The following RPIA variants were observed in gnomAD, a reference collection of about 807,000 sequenced individuals.
RPIA encodes ribose-5-phosphate isomerase.
A neutral mutation model predicts 37.8 loss-of-function variants in RPIA; 29 were observed. The ratio of observed to expected loss-of-function variants is 0.77; its 90% CI spans 0.57 to 1.05. The LOEUF is 1.05. RPIA is among the 50% of genes least tolerant of loss of function. The probability of loss-of-function intolerance (pLI) is 0.00; values close to 1 mark genes in which losing one functional copy is unlikely to be tolerated. For synonymous variants in RPIA, 167 were observed against 157.0 expected, an observed-to-expected ratio of 1.06 and a Z score of -0.48; for missense variants, 385 against 413.6, an observed-to-expected ratio of 0.93 and a Z score of 0.60.
At chr2:88,735,027 G>T (rs966028497) in intron 5 of RPIA, among the ~76,000 whole-genome samples, 7 of 152,330 alleles carry the variant, frequency 4.6e-5, no homozygotes, top group Admixed American at 1.3e-4. Context: ...CATTAATTGG[G>T]TATTTCTTAA....
chr2:88,713,701 T>G (rs529897996), intron 3 of RPIA, among the ~76,000 whole-genome samples: 1 of 152,288 alleles, frequency 6.6e-6, no homozygotes, highest in East Asian at 1.9e-4. Context: ...TTCCCTCTGT[T>G]TTTTCTGGTT....
intron 3 of RPIA, among the ~76,000 whole-genome samples, chr2:88,721,571 A>ACACC (rs1450673599): frequency 5.2e-4 from 12 of 22,982 alleles, no homozygotes; most frequent in South Asian, 3.3e-3. Context: ...ACACACACAC[A>ACACC]CCCCCCCCCC....
chr2:88,741,465 A>G (rs953948182), intron 8 of RPIA, among the ~76,000 whole-genome samples: 1 of 151,728 alleles, frequency 6.6e-6, no homozygotes, highest in Admixed American at 6.6e-5. Context: ...TTCTTTATCC[A>G]CTCATTGGTT....
At chr2:88,708,820 G>A (rs1449054570) in intron 3 of RPIA, among the ~76,000 whole-genome samples, 5 of 148,758 alleles carry the variant, frequency 3.4e-5, no homozygotes, top group Admixed American at 6.8e-5. Context: ...GCAGTGGCAC[G>A]ATCTTGGCTC....
rs992887662 is a variant in RPIA at position 88,750,340 on chromosome 2, T to A, written c.*262T>A. The stretch of plus-strand genomic sequence containing the variant: ...ATGAAGTAGAACTTGAGTTCATGTT[T>A]TATATGAAATATTTACCAAAAAAAA... On this transcript the variant is annotated 3_prime_UTR_variant, in exon 9 of 9. Coordinates refer to ENST00000283646, the MANE Select transcript of RPIA (RefSeq NM_144563.3). The A allele has an allele frequency of 2.8e-5, 11 of 391,564 alleles. No homozygotes were observed. In the South Asian group the frequency reaches 3.0e-4, roughly 11 times the overall value. 24.3% of individuals were successfully genotyped at this position (391,564 alleles called of 1,614,324 possible). A position where few individuals can be genotyped will look rare whatever the true frequency, so the allele number is the denominator to read the frequency against.
rs1673496246 is a variant in RPIA at position 88,750,767 on chromosome 2, C to T, written c.*689C>T. On this transcript the variant is annotated 3_prime_UTR_variant, in exon 9 of 9. Transcript: ENST00000283646. ...GAAATGCTTGCCAGTACTGCCAAAGCACTGCTGTGAAATGTGAAGTACTTT... is the reference window on the plus strand; with the variant it reads ...GAAATGCTTGCCAGTACTGCCAAAGTACTGCTGTGAAATGTGAAGTACTTT... 2 of 398,786 alleles carry T rather than the reference C, an allele frequency of 5.0e-6. No individual in the cohort carries two copies. The highest frequency in any genetic ancestry group is 8.8e-6 in the Non-Finnish European group (2 of 226,090). The allele number at this position is 398,786 out of a possible 1,614,324, so 24.7% of individuals were successfully genotyped here.
intron 3 of RPIA, among the ~76,000 whole-genome samples, chr2:88,725,010 C>T (rs959506606): frequency 6.6e-6 from 1 of 152,324 alleles, no homozygotes; most frequent in African/African-American, 2.4e-5. Context: ...GCCACTGTCC[C>T]TAATCATGAG....
chr2:88,713,685 T>C (rs1191520457), intron 3 of RPIA, among the ~76,000 whole-genome samples: 1 of 152,144 alleles, frequency 6.6e-6, no homozygotes, highest in Non-Finnish European at 1.5e-5. Context: ...GTTTATTTCA[T>C]TTTTCTTCCC....
chr2:88,715,710 CT>C (rs1340562125), intron 3 of RPIA, among the ~76,000 whole-genome samples: 1 of 152,178 alleles, frequency 6.6e-6, no homozygotes. Context: ...TACTTCTTAG[CT>C]TTCTTTAGTA....
At chr2:88,696,545 ATATATTG>A (rs1672750381) in intron 1 of RPIA, among the ~76,000 whole-genome samples, 1 of 151,872 alleles carries the variant, frequency 6.6e-6, no homozygotes, top group Admixed American at 6.6e-5. Flanking sequence ...TATATACAAG[ATATATTG>A]TATATCTTGT....
At position 88,698,679 on chromosome 2, in the gene RPIA, A is replaced by T. The variant is rs375707449; in HGVS notation, c.346+135A>T. 8.9e-4 allele frequency: 729 copies of T among 821,434 alleles called. 10 individuals are homozygous for T. In the South Asian group the frequency reaches 9.4e-3, roughly 11 times the overall value. The allele number at this position is 821,434 out of a possible 1,614,324, so 50.9% of individuals were successfully genotyped here. On this transcript the variant is annotated intron_variant, in intron 2 of 8. Coordinates refer to ENST00000283646, the MANE Select transcript of RPIA (RefSeq NM_144563.3). Reference sequence around the variant, plus strand: ...CAGTACAGAGCTGGAGAGAGGGACTACCTGAGGTCAGTTGAGTGTTTCTGC... The same window carrying T: ...CAGTACAGAGCTGGAGAGAGGGACTTCCTGAGGTCAGTTGAGTGTTTCTGC...
At chr2:88,733,281 G>T (rs1489574227) in intron 4 of RPIA, among the ~76,000 whole-genome samples, 1 of 152,170 alleles carries the variant, frequency 6.6e-6, no homozygotes, top group Non-Finnish European at 1.5e-5. Flanking sequence ...TGGGGAGAGG[G>T]AAAGCAAAGC....
At chr2:88,700,562 G>C (rs939532104) in intron 3 of RPIA, among the ~76,000 whole-genome samples, 11 of 152,308 alleles carry the variant, frequency 7.2e-5, no homozygotes, top group African/African-American at 2.4e-4. Flanking sequence ...TGAGGCGGGA[G>C]GATCTCCCTT....
At chr2:88,702,488 T>TA in intron 3 of RPIA, among the ~76,000 whole-genome samples, 1 of 152,328 alleles carries the variant, frequency 6.6e-6, no homozygotes, top group African/African-American at 2.4e-5. Flanking sequence ...AGTCTCGTTT[T>TA]ACGTGGATGG....
chr2:88,729,624 G>T (rs558813228), intron 4 of RPIA, among the ~76,000 whole-genome samples: 1 of 152,324 alleles, frequency 6.6e-6, no homozygotes, highest in Admixed American at 6.5e-5. Context: ...TGAGGTCTTT[G>T]TGCAGAGGTA....
chr2:88,700,782 A>C (rs555034198), intron 3 of RPIA, among the ~76,000 whole-genome samples: 1 of 152,144 alleles, frequency 6.6e-6, no homozygotes, highest in African/African-American at 2.4e-5. Flanking sequence ...AAGGGAAGAG[A>C]GGTTTTGGGA....
intron 4 of RPIA, among the ~76,000 whole-genome samples, chr2:88,732,727 AT>A (rs1673259206): frequency 1.3e-4 from 1 of 7,442 alleles, no homozygotes; most frequent in Non-Finnish European, 2.7e-4. Context: ...TTAGAGTATA[AT>A]AAAAAAAAAA....
intron 3 of RPIA, among the ~76,000 whole-genome samples, chr2:88,718,374 T>C (rs1417126593): frequency 1.3e-5 from 2 of 152,188 alleles, no homozygotes; most frequent in Non-Finnish European, 2.9e-5. Flanking sequence ...TAAATTGGCT[T>C]TGATGGAACT....
At chr2:88,709,649 G>A (rs550080340) in intron 3 of RPIA, among the ~76,000 whole-genome samples, 1 of 152,304 alleles carries the variant, frequency 6.6e-6, no homozygotes, top group East Asian at 1.9e-4. Context: ...TAATTTGCAA[G>A]TGGGGGAAAG....
Sources: allele counts gnomAD v4.1 joint callset (sites outside exome capture counted in the v4.1 genomes callset), GRCh38; gene constraint gnomAD v4.1.1; transcripts MANE v1.5; gene names NCBI Gene and HGNC (gene_info 2026-07-23, HGNC 2026-07-21).